Variants in DCC observed in about 807,000 individuals in gnomAD.
DCC encodes DCC netrin 1 receptor.
DCC carries 58 observed loss-of-function variants against 172.5 expected under a neutral mutation model. The observed-to-expected ratio is 0.34, with a 90% CI of 0.27 to 0.42. The LOEUF (loss-of-function observed/expected upper bound fraction) is 0.42, where lower values mean the gene tolerates loss of function less well. Ranked by LOEUF, DCC falls within the 10% of genes least tolerant of loss-of-function variation. DCC has a pLI of 1.00. For missense variants in DCC, 1,740 were observed against 1,791.0 expected, an observed-to-expected ratio of 0.97 and a Z score of 0.51; for synonymous variants, 709 against 644.5, an observed-to-expected ratio of 1.10 and a Z score of -1.52.
At chr18:53,220,293 C>A (rs2055913009) in intron 12 of DCC, among the ~76,000 whole-genome samples, 2 of 152,202 alleles carry the variant, frequency 1.3e-5, no homozygotes, top group Admixed American at 1.3e-4. Context: ...TGCTGCGTGA[C>A]AATCTCTCTG....
intron 1 of DCC, among the ~76,000 whole-genome samples, chr18:52,342,357 T>C (rs909063371): frequency 6.6e-6 from 1 of 150,522 alleles, no homozygotes; most frequent in African/African-American, 2.4e-5. Flanking sequence ...TAGCCGCTGG[T>C]GCTCCCTCCC....
chr18:52,582,246 T>C (rs888835393), intron 1 of DCC, among the ~76,000 whole-genome samples: 1 of 152,212 alleles, frequency 6.6e-6, no homozygotes, highest in Non-Finnish European at 1.5e-5. Context: ...ATGAAGGACA[T>C]TTTTAATATT....
chr18:53,324,134 C>T (rs1333748214), intron 14 of DCC, among the ~76,000 whole-genome samples: 3 of 152,104 alleles, frequency 2.0e-5, no homozygotes, highest in African/African-American at 7.2e-5. Context: ...TAGGCAAACC[C>T]AGGCAATGAC....
Position 53,532,768 on chromosome 18 carries a change from A to T in DCC, c.*2115A>T, listed in dbSNP as rs2046536430. 1 of 151,792 alleles carries T rather than the reference A, an allele frequency of 6.6e-6. No individual in the cohort carries two copies. The highest frequency in any genetic ancestry group is 1.5e-5 in the Non-Finnish European group (1 of 67,974). 9.4% of individuals were successfully genotyped at this position (151,792 alleles called of 1,614,324 possible). A position where few individuals can be genotyped will look rare whatever the true frequency, so the allele number is the denominator to read the frequency against. On this transcript the variant is annotated 3_prime_UTR_variant, in exon 29 of 29. Transcript: ENST00000442544. The stretch of plus-strand genomic sequence containing the variant: ...CAGTTTGGAATAGGTTGCAAATCTC[A>T]GATTTTAGGGATTGAGTCACACCTT...
chr18:53,313,390 C>T (rs1328847537), intron 13 of DCC, among the ~76,000 whole-genome samples: 1 of 151,986 alleles, frequency 6.6e-6, no homozygotes, highest in East Asian at 1.9e-4. Flanking sequence ...GGATTACAGA[C>T]GTGCGTCACC....
Position 53,407,556 on chromosome 18 carries a change from T to TATATATATATATATAA in DCC, c.2936-2896_2936-2895insATATATATATATATAA, listed in dbSNP as rs1192623109. ...ATATATATATATATATATATATATA[T>TATATATATATATATAA]TCACTATTACTCTCTCTCTATATAT... On this transcript the variant is annotated intron_variant, in intron 19 of 28. Transcript: ENST00000442544. 2.1e-5 allele frequency among the ~76,000 whole-genome samples: 3 copies of TATATATATATATATAA among 140,390 alleles called. No homozygotes were observed. The East Asian group carries it at 6.2e-4, about 29-fold the overall frequency. 92.1% of individuals were successfully genotyped at this position (140,390 alleles called of 152,430 possible).
intron 5 of DCC, among the ~76,000 whole-genome samples, chr18:53,055,239 G>A (rs2042387988): frequency 6.6e-6 from 1 of 152,156 alleles, no homozygotes. Flanking sequence ...ACAATGGGAT[G>A]AATTGCTGTA....
chr18:52,779,426 T>G (rs1423085116), intron 2 of DCC, among the ~76,000 whole-genome samples: 2 of 151,804 alleles, frequency 1.3e-5, no homozygotes, highest in Admixed American at 6.6e-5. Flanking sequence ...GTTCCTGTGT[T>G]AGTTTGCTGA....
At position 53,226,948 on chromosome 18, in the gene DCC, A is replaced by ATATTTTTTTTTTT; in HGVS notation, c.1911+11352_1911+11353insATTTTTTTTTTTT. On this transcript the variant is annotated intron_variant, in intron 12 of 28. Transcript: ENST00000442544. ...TGTGTGTGTGTGTATATATATATATATTTTTTTTTTTTTTTTTTTGAGGCA... is the reference window on the plus strand; with the variant it reads ...TGTGTGTGTGTGTATATATATATATATATTTTTTTTTTTTTTTTTTTTTTTTTTTTTTGAGGCA... Among the ~76,000 whole-genome samples, 44 of 52,936 alleles carry ATATTTTTTTTTTT rather than the reference A, an allele frequency of 8.3e-4. 1 individual carries two copies. The highest frequency in any genetic ancestry group is 1.2e-3 in the Non-Finnish European group (31 of 24,860). The allele number at this position is 52,936 out of a possible 152,430, so 34.7% of individuals were successfully genotyped here. A position where few individuals can be genotyped will look rare whatever the true frequency, so the allele number is the denominator to read the frequency against.
rs960542507 is a variant in DCC at position 53,240,086 on chromosome 18, A to T, written c.1911+24489A>T. ...CTTTTTCCCCAATGTGTAATATGCA[A>T]TCAAAAGCACTCATGCCTCTACTGT... On this transcript the variant is annotated intron_variant, in intron 12 of 28. Transcript: ENST00000442544. Among the ~76,000 whole-genome samples the T allele has an allele frequency of 1.5e-4, 22 of 151,452 alleles. 1 individual carries two copies. The South Asian group carries it at 4.6e-3, about 31-fold the overall frequency.
intron 27 of DCC, among the ~76,000 whole-genome samples, chr18:53,516,183 AAAAC>A (rs1242470968): frequency 2.0e-5 from 3 of 151,302 alleles, no homozygotes; most frequent in African/African-American, 4.9e-5. Flanking sequence ...AAACCTGAGA[AAAAC>A]AAGCAATGGG....
intron 2 of DCC, among the ~76,000 whole-genome samples, chr18:52,787,216 GAC>G (rs2037676412): frequency 6.6e-6 from 1 of 152,084 alleles, no homozygotes; most frequent in African/African-American, 2.4e-5. Flanking sequence ...TGTTTTGTTT[GAC>G]ACATAAACAT....
At chr18:53,130,914 C>T (rs4371227) in intron 7 of DCC, among the ~76,000 whole-genome samples, 47,155 of 151,952 alleles carry the variant, frequency 0.31, 9,109 homozygotes, top group East Asian at 0.58. Flanking sequence ...TAATTGTACA[C>T]GGGATGTTCA....
At chr18:52,575,477 C>A (rs1043998139) in intron 1 of DCC, among the ~76,000 whole-genome samples, 5 of 152,084 alleles carry the variant, frequency 3.3e-5, no homozygotes, top group Non-Finnish European at 5.9e-5. Flanking sequence ...GTACCCAATC[C>A]TAATGTGTTA....
chr18:53,067,374 A>G (rs1042220333), intron 7 of DCC, among the ~76,000 whole-genome samples: 1 of 151,958 alleles, frequency 6.6e-6, no homozygotes, highest in African/African-American at 2.4e-5. Flanking sequence ...TAAAAAAAAT[A>G]TATATTTAAA....
At chr18:53,138,077 C>G (rs374261737) in intron 7 of DCC, among the ~76,000 whole-genome samples, 64 of 152,162 alleles carry the variant, frequency 4.2e-4, no homozygotes, top group African/African-American at 1.4e-3. Context: ...ATCAGTCCAC[C>G]TCAGCCTCCC....
At chr18:53,450,198 A>C (rs1421860500) in intron 22 of DCC, among the ~76,000 whole-genome samples, 2 of 151,564 alleles carry the variant, frequency 1.3e-5, no homozygotes, top group Non-Finnish European at 2.9e-5. Flanking sequence ...CACACACACC[A>C]CACATTTGTT....
intron 3 of DCC, among the ~76,000 whole-genome samples, chr18:52,914,901 A>G (rs763700434): frequency 5.9e-5 from 9 of 152,154 alleles, no homozygotes; most frequent in Non-Finnish European, 1.3e-4. Flanking sequence ...AATACCCCAC[A>G]GTAGCCTGCA....
chr18:53,026,586 C>T (rs2041958036), intron 5 of DCC, among the ~76,000 whole-genome samples: 2 of 152,058 alleles, frequency 1.3e-5, no homozygotes, highest in African/African-American at 2.4e-5. Context: ...GACAGGGTAT[C>T]TCTCTGTCAC....
Sources: gnomAD v4.1 joint callset for allele counts (sites outside exome capture counted in the v4.1 genomes callset) on GRCh38, gnomAD v4.1.1 for gene constraint, MANE v1.5 for transcripts, NCBI Gene and HGNC (gene_info 2026-07-23, HGNC 2026-07-21) for gene names.